BTG4: variants seen among roughly 807,000 people sequenced by gnomAD.
The protein encoded by BTG4 is BTG anti-proliferation factor 4.
In BTG4, 10 loss-of-function variants were observed where a neutral mutation model predicts 19.3. The ratio of observed to expected loss-of-function variants is 0.52; its 90% CI spans 0.32 to 0.88. The LOEUF is 0.88. Ranked by LOEUF, BTG4 falls within the 40% of genes least tolerant of loss-of-function variation. The probability of loss-of-function intolerance (pLI) is 0.04; values close to 1 mark genes in which losing one functional copy is unlikely to be tolerated. For synonymous variants in BTG4, 91 were observed against 95.7 expected (o/e 0.95, Z 0.29); for missense variants, 238 against 281.9 (o/e 0.84, Z 1.11).
intron 4 of BTG4, 128 bp downstream of exon 4, chr11:111,497,083 G>A: frequency 1.1e-6 from 1 of 921,122 alleles, no homozygotes; most frequent in Non-Finnish European, 1.6e-6. Flanking sequence ...AATATTAAGA[G>A]TCTGGCTTTT....
chr11:111,447,415 T>A, the BTG4 span, among the ~76,000 whole-genome samples: 4,134 of 152,360 alleles, frequency 0.027, 79 homozygotes, highest in East Asian at 0.074. Flanking sequence ...AACCTGGCTG[T>A]ACACGCACCA....
the BTG4 span, among the ~76,000 whole-genome samples, chr11:111,434,570 A>AT: frequency 3.7e-5 from 5 of 135,322 alleles, no homozygotes; most frequent in Admixed American, 2.1e-4. Context: ...ATAATAATAA[A>AT]TTTTAAAAAA....
intron 5 of BTG4, among the ~76,000 whole-genome samples, chr11:111,470,355 G>T (rs1268303183): frequency 2.0e-5 from 3 of 152,100 alleles, no homozygotes; most frequent in African/African-American, 7.2e-5. Flanking sequence ...AAAGTTCTGG[G>T]ATTACAGGCA....
the BTG4 span, among the ~76,000 whole-genome samples, chr11:111,451,798 C>G: frequency 3.9e-5 from 6 of 152,280 alleles, no homozygotes; most frequent in South Asian, 1.2e-3. Context: ...ATAACCAGCT[C>G]AGACAGATCT....
At chr11:111,446,125 A>G in the BTG4 span, among the ~76,000 whole-genome samples, 4 of 152,202 alleles carry the variant, frequency 2.6e-5, no homozygotes, top group African/African-American at 9.6e-5. Context: ...CTACCTACCC[A>G]GAGCAGAAGG....
the BTG4 span, among the ~76,000 whole-genome samples, chr11:111,405,744 C>A: frequency 6.6e-6 from 1 of 152,192 alleles, no homozygotes; most frequent in Non-Finnish European, 1.5e-5. Context: ...AACTCAAAGC[C>A]TGATTTCAAA....
At chr11:111,458,731 AAGG>A in the BTG4 span, among the ~76,000 whole-genome samples, 3 of 152,130 alleles carry the variant, frequency 2.0e-5, no homozygotes, top group Non-Finnish European at 2.9e-5. Flanking sequence ...AAGGAAAGGC[AAGG>A]AGAAGTAGGA....
chr11:111,496,273 A>C (rs565849635), intron 4 of BTG4, among the ~76,000 whole-genome samples: 21 of 152,336 alleles, frequency 1.4e-4, no homozygotes, highest in African/African-American at 5.1e-4. Flanking sequence ...GCACTTTTAC[A>C]TACAGCTGGT....
rs1865885002 is a variant in BTG4, at chr11:111,498,682, T to C, written c.95A>G (p.Glu32Gly). ...TTCAAACAAGATCGTCATCAGCTTT[T>C]CTGCAAAGTCTTCTATTTGCTGTTT... ...LSKQQIEDFA[E>G]KLMTILFETY... The change falls in exon 2 of 5, where the codon GAA becomes GGA. Residue 32 changes from glutamate to glycine, a missense_variant. By Grantham distance (98) the Glu-to-Gly change is moderately conservative. Transcript: ENST00000692032. 1.2e-6 allele frequency: 2 copies of C among 1,613,952 alleles called. No homozygotes were observed. Among genetic ancestry groups the C allele is most frequent in the Non-Finnish European group, 1.7e-6 (2 of 1,179,984 alleles).
intron 2 of BTG4, 149 bp downstream of exon 2, chr11:111,498,455 T>A (rs1231134964): frequency 2.8e-6 from 2 of 714,612 alleles, no homozygotes; most frequent in Admixed American, 3.0e-5. Context: ...CTATGTCTCC[T>A]CCTTTCAATT....
the BTG4 span, among the ~76,000 whole-genome samples, chr11:111,424,564 A>G: frequency 6.6e-6 from 1 of 152,244 alleles, no homozygotes; most frequent in Non-Finnish European, 1.5e-5. Flanking sequence ...AACTGGCCTC[A>G]AAGTCATTCA....
chr11:111,424,787 G>A, the BTG4 span, among the ~76,000 whole-genome samples: 5 of 152,110 alleles, frequency 3.3e-5, no homozygotes, highest in African/African-American at 1.2e-4. Context: ...GTGAAACCCC[G>A]TCTCTACTGA....
At chr11:111,423,928 G>A in the BTG4 span, among the ~76,000 whole-genome samples, 1 of 152,108 alleles carries the variant, frequency 6.6e-6, no homozygotes, top group Non-Finnish European at 1.5e-5. Flanking sequence ...AGGAGGCCGA[G>A]AAAGCCAGAC....
At chr11:111,513,266 C>T, upstream of BTG4, among the ~76,000 whole-genome samples, 1 of 152,226 alleles carries the variant, frequency 6.6e-6, no homozygotes, top group African/African-American at 2.4e-5. Context: ...GGTGAAGCCC[C>T]TCCATCCATG....
At position 111,487,923 on chromosome 11, in the gene BTG4, GA is replaced by G. The variant is rs1191781428; in HGVS notation, c.662+7239del. Among the ~76,000 whole-genome samples the G allele has an allele frequency of 3.9e-5, 6 of 152,088 alleles. No individual in the cohort carries two copies. The East Asian group carries it at 1.2e-3, about 29-fold the overall frequency. On this transcript the variant is annotated intron_variant, in intron 5 of 5. Coordinates refer to the BTG4 transcript ENST00000356018. ...CAAAAAAGTGAATGATGTCCACAAT[GA>G]AAACTATAAAATATTAATGAAAGAA...
At chr11:111,468,388 T>C (rs1863851247) in intron 5 of BTG4, among the ~76,000 whole-genome samples, 1 of 152,236 alleles carries the variant, frequency 6.6e-6, no homozygotes, top group South Asian at 2.1e-4. Flanking sequence ...GGTACTTTTG[T>C]TATCTTTGTT....
the BTG4 span, chr11:111,385,104 A>T: frequency 5.3e-5 from 8 of 152,158 alleles, no homozygotes; most frequent in Non-Finnish European, 1.5e-5. Flanking sequence ...ATAACAAAAA[A>T]TAAAACAAAA....
the BTG4 span, among the ~76,000 whole-genome samples, chr11:111,427,089 C>T: frequency 8.5e-5 from 13 of 152,160 alleles, no homozygotes; most frequent in African/African-American, 3.1e-4. Flanking sequence ...AAAGTCCCTG[C>T]CTGCCTCCAT....
chr11:111,511,544 A>G (rs1866915401), intron 1 of BTG4, among the ~76,000 whole-genome samples: 1 of 152,226 alleles, frequency 6.6e-6, no homozygotes, highest in Admixed American at 6.5e-5. Context: ...GGTGCTCTAT[A>G]CTGGATGCAT....
Sources: allele counts gnomAD v4.1 joint callset (sites outside exome capture counted in the v4.1 genomes callset), GRCh38; gene constraint gnomAD v4.1.1; transcripts MANE v1.5; gene names NCBI Gene and HGNC (gene_info 2026-07-23, HGNC 2026-07-21).